The following CNTNAP2 variants were observed in gnomAD, a reference collection of about 807,000 sequenced individuals.
CNTNAP2 encodes contactin-associated protein-like 2.
A neutral mutation model predicts 155.2 loss-of-function variants in CNTNAP2; 98 were observed. The ratio of observed to expected loss-of-function variants is 0.63; its 90% CI spans 0.54 to 0.75. CNTNAP2 has a LOEUF of 0.75. Ranked by LOEUF, CNTNAP2 falls within the 30% of genes least tolerant of loss-of-function variation. The pLI, the probability that CNTNAP2 is intolerant of heterozygous loss-of-function variation, is 0.00. For missense variants in CNTNAP2, 1,727 were observed against 1,688.1 expected, an observed-to-expected ratio of 1.02 and a Z score of -0.40; for synonymous variants, 651 against 631.2, an observed-to-expected ratio of 1.03 and a Z score of -0.47.
chr7:146,393,110 G>A (rs957723363), intron 1 of CNTNAP2, among the ~76,000 whole-genome samples: 11 of 152,074 alleles, frequency 7.2e-5, no homozygotes, highest in South Asian at 2.1e-4. Flanking sequence ...AACTGATAAC[G>A]TGCATACATT....
intron 10 of CNTNAP2, among the ~76,000 whole-genome samples, chr7:147,419,760 A>G (rs1005479687): frequency 3.3e-5 from 5 of 152,130 alleles, no homozygotes; most frequent in African/African-American, 1.2e-4. Context: ...TCAAATTTGA[A>G]AATAATTCTT....
At position 147,980,768 on chromosome 7, in the gene CNTNAP2, CA is replaced by C. The variant is rs375398761; in HGVS notation, c.2383+2792del. Among the ~76,000 whole-genome samples the C allele has an allele frequency of 5.3e-3, 713 of 135,538 alleles. 11 individuals carry two copies. The highest frequency in any genetic ancestry group is 0.017 in the African/African-American group (605 of 34,762). The allele number at this position is 135,538 out of a possible 152,430, so 88.9% of individuals were successfully genotyped here. On this transcript the variant is annotated intron_variant, in intron 15 of 23. Coordinates refer to ENST00000361727, the MANE Select transcript of CNTNAP2 (RefSeq NM_014141.6). Reference sequence around the variant, plus strand: ...TGAAACCCCGTCTCTACTAAAAATACAAAAAAAAAAAAATTAGCCGGGCGTG... The same window carrying C: ...TGAAACCCCGTCTCTACTAAAAATACAAAAAAAAAAAATTAGCCGGGCGTG...
Position 147,791,934 on chromosome 7 carries a change from C to T in CNTNAP2, c.2099-111631C>T, listed in dbSNP as rs182875727. ...CACTGCTCCGTGTTGCCTGCCATTCCGGGCATAGAGCGGCTTGGCCCAGAA... is the reference window on the plus strand; with the variant it reads ...CACTGCTCCGTGTTGCCTGCCATTCTGGGCATAGAGCGGCTTGGCCCAGAA... On this transcript the variant is annotated intron_variant, in intron 13 of 23. Transcript: ENST00000361727. Among the ~76,000 whole-genome samples the T allele has an allele frequency of 1.9e-4, 29 of 152,310 alleles. No homozygotes were observed. The East Asian group carries it at 1.9e-3, about 10-fold the overall frequency.
At chr7:146,655,840 A>G (rs1019667694) in intron 1 of CNTNAP2, among the ~76,000 whole-genome samples, 3 of 152,188 alleles carry the variant, frequency 2.0e-5, no homozygotes, top group Non-Finnish European at 2.9e-5. Context: ...CCAGTATTCT[A>G]TGATTTCCTC....
chr7:146,629,571 G>A (rs935191606), intron 1 of CNTNAP2, among the ~76,000 whole-genome samples: 1 of 152,074 alleles, frequency 6.6e-6, no homozygotes, highest in African/African-American at 2.4e-5. Context: ...TATGGCATAT[G>A]ATTTCCTGAA....
chr7:147,637,457 T>G (rs1184526992), intron 12 of CNTNAP2, among the ~76,000 whole-genome samples: 1 of 152,174 alleles, frequency 6.6e-6, no homozygotes, highest in Non-Finnish European at 1.5e-5. Flanking sequence ...GGAGTTGCCA[T>G]GTACCAAAAT....
At chr7:147,191,492 G>A (rs1470459826) in intron 8 of CNTNAP2, among the ~76,000 whole-genome samples, 2 of 152,200 alleles carry the variant, frequency 1.3e-5, no homozygotes, top group South Asian at 4.2e-4. Flanking sequence ...TGGAGGCTGT[G>A]GCTTATTTTC....
At chr7:147,568,010 C>CG (rs951981571) in intron 12 of CNTNAP2, among the ~76,000 whole-genome samples, 4 of 151,944 alleles carry the variant, frequency 2.6e-5, no homozygotes, top group African/African-American at 4.8e-5. Context: ...CACTTGAACC[C>CG]GGGGGGCAGA....
intron 15 of CNTNAP2, among the ~76,000 whole-genome samples, chr7:148,081,112 C>T (rs1386480495): frequency 6.6e-6 from 1 of 152,152 alleles, no homozygotes; most frequent in East Asian, 1.9e-4. Context: ...TGTAAAATCT[C>T]AATGACAAAG....
chr7:147,797,245 T>C (rs1432393824), intron 13 of CNTNAP2, among the ~76,000 whole-genome samples: 1 of 152,214 alleles, frequency 6.6e-6, no homozygotes, highest in African/African-American at 2.4e-5. Flanking sequence ...CCTGTGCTTA[T>C]TCATGATACT....
chr7:146,407,102 A>G (rs913102243), intron 1 of CNTNAP2, among the ~76,000 whole-genome samples: 5 of 152,244 alleles, frequency 3.3e-5, no homozygotes, highest in Non-Finnish European at 5.9e-5. Flanking sequence ...GAAGAAGGCT[A>G]TAGAAAGAAG....
intron 3 of CNTNAP2, among the ~76,000 whole-genome samples, chr7:146,905,977 A>C (rs1465732061): frequency 6.6e-6 from 1 of 152,216 alleles, no homozygotes; most frequent in Non-Finnish European, 1.5e-5. Context: ...AGGGCGAGGC[A>C]TTGCCTCACC....
chr7:146,839,884 C>G lies in CNTNAP2; in HGVS notation c.382C>G (p.His128Asp). 1 of 1,614,140 alleles carries G rather than the reference C, an allele frequency of 6.2e-7. No individual in the cohort carries two copies. Among genetic ancestry groups the G allele is most frequent in the Non-Finnish European group, 8.5e-7 (1 of 1,180,032 alleles). Residue 128 changes from histidine (H) to aspartate (D), a missense_variant, in exon 3 of 24, where the codon CAT becomes GAT. Coordinates refer to ENST00000361727, the MANE Select transcript of CNTNAP2 (RefSeq NM_014141.6). ...CACAGGGAGAAACTGGAAACCCTAT[C>G]ATCAAGATGGGAATATCTGGGTAAG... Reference protein sequence around the residue: ...SDTGRNWKPYHQDGNIWAFPG... With the variant: ...SDTGRNWKPYDQDGNIWAFPG...
At chr7:146,598,005 C>A (rs111664370) in intron 1 of CNTNAP2, among the ~76,000 whole-genome samples, 1 of 152,062 alleles carries the variant, frequency 6.6e-6, no homozygotes, top group Non-Finnish European at 1.5e-5. Flanking sequence ...TCCAGGCATA[C>A]GCATGCTCCT....
chr7:147,964,056 A>G (rs1301214548), intron 14 of CNTNAP2, among the ~76,000 whole-genome samples: 2 of 152,202 alleles, frequency 1.3e-5, no homozygotes, highest in East Asian at 3.9e-4. Context: ...TTTAGGTAAA[A>G]TGAGGCCACA....
chr7:148,079,198 G>A (rs773663607), intron 15 of CNTNAP2, among the ~76,000 whole-genome samples: 32 of 152,202 alleles, frequency 2.1e-4, no homozygotes, highest in Admixed American at 9.8e-4. Flanking sequence ...TGCCCAAGGT[G>A]GTCGGGCTAC....
At chr7:147,070,230 T>C (rs1799863842) in intron 4 of CNTNAP2, among the ~76,000 whole-genome samples, 1 of 152,166 alleles carries the variant, frequency 6.6e-6, no homozygotes, top group African/African-American at 2.4e-5. Context: ...GGAAATTAGG[T>C]ATATAGCATA....
chr7:147,559,871 A>G (rs1426168426), intron 11 of CNTNAP2, among the ~76,000 whole-genome samples: 2 of 151,964 alleles, frequency 1.3e-5, no homozygotes, highest in African/African-American at 4.8e-5. Context: ...ATCTTAAAAA[A>G]AAAAAAAAAA....
At chr7:146,878,437 G>A (rs1317491297) in intron 3 of CNTNAP2, among the ~76,000 whole-genome samples, 2 of 149,484 alleles carry the variant, frequency 1.3e-5, no homozygotes, top group Non-Finnish European at 3.0e-5. Context: ...TTTCCCACAA[G>A]TACTCTTGAG....
Sources: allele counts gnomAD v4.1 joint callset (sites outside exome capture counted in the v4.1 genomes callset), GRCh38; gene constraint gnomAD v4.1.1; transcripts MANE v1.5; gene names NCBI Gene and HGNC (gene_info 2026-07-23, HGNC 2026-07-21).